Variants in CROCC observed in about 807,000 individuals in gnomAD.
CROCC encodes the protein rootletin.
A neutral mutation model predicts 245.2 loss-of-function variants in CROCC; 180 were observed. The observed-to-expected ratio is 0.73, with a 90% CI of 0.65 to 0.83. The LOEUF (loss-of-function observed/expected upper bound fraction) is 0.83. Ranked by LOEUF, CROCC falls within the 40% of genes least tolerant of loss-of-function variation. CROCC has a pLI of 0.00. For missense variants in CROCC, 2,688 were observed against 2,779.4 expected (o/e 0.97, Z 0.74); for synonymous variants, 1,205 against 1,241.6 (o/e 0.97, Z 0.62).
At chr1:16,940,209 T>TCCTG in intron 13 of CROCC, 116 bp downstream of exon 13, 1 of 1,131,158 alleles carries the variant, frequency 8.8e-7, no homozygotes, top group South Asian at 1.5e-5. Flanking sequence ...TAGCTGCATG[T>TCCTG]GCCTATTAAC....
At chr1:16,968,069 C>T in intron 30 of CROCC, 134 bp from the exon 31 acceptor site, 1 of 827,000 alleles carries the variant, frequency 1.2e-6, no homozygotes. Context: ...CCCAGAGGGT[C>T]CCAGGCCGGC....
intron 3 of CROCC, among the ~76,000 whole-genome samples, chr1:16,928,978 C>T (rs1452670733): frequency 6.6e-6 from 1 of 152,182 alleles, no homozygotes; most frequent in South Asian, 2.1e-4. Context: ...AGGTGCATGA[C>T]ACCACGCCCA....
rs1164339517 is a variant in CROCC at position 16,954,677 on chromosome 1, G to T, written c.3322-57G>T. Reference sequence around the variant, plus strand: ...GGACAGTGCACTGAGCGGGTTGGGAGCAGCCCGGGGCTGGGGGACACAGCA... The same window carrying T: ...GGACAGTGCACTGAGCGGGTTGGGATCAGCCCGGGGCTGGGGGACACAGCA... On this transcript the variant is annotated intron_variant, in intron 22 of 36. Coordinates refer to ENST00000375541, the MANE Select transcript of CROCC (RefSeq NM_014675.5). This position sits in a 1 kb window ranked among gnomAD's most constrained non-coding sequence, Gnocchi z 4.4. 2.0e-6 allele frequency: 3 copies of T among 1,493,944 alleles called. No individual in the cohort carries two copies. Among genetic ancestry groups the T allele is most frequent in the Non-Finnish European group, 2.7e-6 (3 of 1,116,012 alleles). 92.5% of individuals were successfully genotyped at this position (1,493,944 alleles called of 1,614,324 possible).
chr1:16,942,672 G>C (rs187300089), intron 13 of CROCC, among the ~76,000 whole-genome samples: 6 of 152,406 alleles, frequency 3.9e-5, no homozygotes, highest in African/African-American at 1.2e-4. Flanking sequence ...GTGTGTGGCT[G>C]GGGGTGGCAG....
chr1:16,922,085 C>T lies in CROCC; in HGVS notation c.60+7C>T. The stretch of plus-strand genomic sequence containing the variant: ...ACTAGAGACGGTTATCCAGGTGGGT[C>T]CTGGGGGCTGTGCCCACCCTGTCTG... On this transcript the variant is annotated splice_region_variant and intron_variant, in intron 1 of 36. Transcript: ENST00000375541. The T allele has an allele frequency of 2.6e-6, 4 of 1,544,006 alleles. No homozygotes were observed. Among genetic ancestry groups the T allele is most frequent in the Non-Finnish European group, 3.5e-6 (4 of 1,143,516 alleles).
At chr1:16,970,585 C>T in intron 34 of CROCC, 51 bp from the exon 35 acceptor site, 1 of 1,492,582 alleles carries the variant, frequency 6.7e-7, no homozygotes, top group Non-Finnish European at 8.9e-7. Flanking sequence ...ACCTGAGCCC[C>T]CTCAGTAAGC....
In CROCC at chr1:16,966,206, C is replaced by G; in HGVS notation, c.4696+87C>G. 1.3e-6 allele frequency: 2 copies of G among 1,527,874 alleles called. No homozygotes were observed. Among genetic ancestry groups the G allele is most frequent in the Non-Finnish European group, 1.8e-6 (2 of 1,133,528 alleles). The allele number at this position is 1,527,874 out of a possible 1,614,324, so 94.6% of individuals were successfully genotyped here. A position where few individuals can be genotyped will look rare whatever the true frequency, so the allele number is the denominator to read the frequency against. ...CCGGGGGATTGGCCTCTGACCTTGC[C>G]GTGGCCCCCATGACCTGACTCGGGG... On this transcript the variant is annotated intron_variant, in intron 29 of 36. Transcript: ENST00000375541. This position sits in a 1 kb window ranked among gnomAD's most constrained non-coding sequence, Gnocchi z 4.8.
chr1:16,971,070 G>A, intron 35 of CROCC: 2 of 445,640 alleles, frequency 4.5e-6, no homozygotes, highest in Non-Finnish European at 4.0e-6. Flanking sequence ...GGTGTGGCGT[G>A]TCTAGGTATT....
chr1:16,939,572 A>G (rs1035993857), intron 12 of CROCC, among the ~76,000 whole-genome samples: 9 of 152,176 alleles, frequency 5.9e-5, no homozygotes, highest in African/African-American at 1.7e-4. Context: ...ACCAGGATGC[A>G]AGGGGGAGGA....
intron 2 of CROCC, 47 bp downstream of exon 2, chr1:16,922,845 C>T (rs1417671846): frequency 6.3e-7 from 1 of 1,591,626 alleles, no homozygotes; most frequent in Admixed American, 1.7e-5. Flanking sequence ...CCACATTTTA[C>T]CTCTTCTCAT....
intron 2 of CROCC, among the ~76,000 whole-genome samples, chr1:16,923,012 G>A (rs1156541395): frequency 1.1e-4 from 17 of 152,286 alleles, no homozygotes; most frequent in African/African-American, 3.1e-4. Flanking sequence ...CAACTAGAAG[G>A]AAGGGCCGAG....
chr1:16,958,290 G>A (rs2076278756), intron 25 of CROCC, among the ~76,000 whole-genome samples: 1 of 152,194 alleles, frequency 6.6e-6, no homozygotes, highest in Admixed American at 6.5e-5. Context: ...GGGAGCTGTG[G>A]TTCCTGCCTG....
At position 16,948,817 on chromosome 1, in the gene CROCC, G is replaced by T. The variant is rs745936252; in HGVS notation, c.2727G>T (p.Leu909=). 1 of 1,611,668 alleles carries T rather than the reference G, an allele frequency of 6.2e-7. No individual in the cohort carries two copies. The highest frequency in any genetic ancestry group is 1.7e-5 in the Admixed American group (1 of 60,028). Residue 909 remains leucine, a synonymous_variant, in exon 19 of 37, where the codon CTG becomes CTT. Transcript: ENST00000375541. ...ATRLRLEKEA[L]EGSLFEVQRQ... ...GCTGCAGCTTGGAGAAGGAAGCCCT[G>T]GAGGGCAGCCTGTTTGAGGTGCAAC...
Position 16,960,928 on chromosome 1 carries a change from GGGC to G in CROCC, c.4204_4206del (p.Gly1402del), listed in dbSNP as rs2076321178. ...CGGCGCGGGCCGAGGCTGCAGAGCT[GGGC>G]CTGCGGCTGAGCGCAGCCGAGGGCC... On this transcript the variant is annotated inframe_deletion, in exon 27 of 37. Coordinates refer to ENST00000375541, the MANE Select transcript of CROCC (RefSeq NM_014675.5). The G allele has an allele frequency of 6.8e-7, 1 of 1,469,596 alleles. No individual in the cohort carries two copies. Among genetic ancestry groups the G allele is most frequent in the East Asian group, 2.8e-5 (1 of 35,576 alleles). The allele number at this position is 1,469,596 out of a possible 1,614,324, so 91.0% of individuals were successfully genotyped here.
chr1:16,963,588 C>T (rs1470429450), intron 27 of CROCC, among the ~76,000 whole-genome samples: 2 of 152,066 alleles, frequency 1.3e-5, no homozygotes, highest in Non-Finnish European at 2.9e-5. Flanking sequence ...TTTTGGTGTC[C>T]CTCTGCGGCC....
chr1:16,936,658 GGAGCTGGCCCGGACATCAC>G lies in CROCC; in HGVS notation c.985_1003del (p.Ala329SerfsTer8). On this transcript the variant is annotated frameshift_variant, in exon 9 of 37. Coordinates refer to ENST00000375541, the MANE Select transcript of CROCC (RefSeq NM_014675.5). LOFTEE classifies it high-confidence loss of function. ...GAAGGGACCTGCTGCAGCTGGGAGG[GGAGCTGGCCCGGACATCAC>G]GAGCTGTCCAGGAGGCGGGCCTGGG... 1 of 1,593,298 alleles carries G rather than the reference GGAGCTGGCCCGGACATCAC, an allele frequency of 6.3e-7. No individual in the cohort carries two copies. Among genetic ancestry groups the G allele is most frequent in the Non-Finnish European group, 8.6e-7 (1 of 1,169,282 alleles).
chr1:16,934,240 T>C (rs1171212469), intron 8 of CROCC, among the ~76,000 whole-genome samples: 2 of 152,244 alleles, frequency 1.3e-5, no homozygotes, highest in African/African-American at 2.4e-5. Flanking sequence ...TCCTTACTAT[T>C]AGATAACCAG....
chr1:16,965,868 GC>G lies in CROCC; in HGVS notation c.4552del (p.Leu1518CysfsTer18), dbSNP rs2076407774. 11 of 1,613,580 alleles carry G rather than the reference GC, an allele frequency of 6.8e-6. No homozygotes were observed. The highest frequency in any genetic ancestry group is 9.3e-6 in the Non-Finnish European group (11 of 1,179,980). On this transcript the variant is annotated frameshift_variant, in exon 28 of 37. Transcript: ENST00000375541. LOFTEE classifies it high-confidence loss of function. ...RGALREFLQE[L>X]RSAQRERDEL... ...GGGCCCTCCGGGAATTCCTGCAAGAGCTGCGGAGTGCCCAGAGAGAACGGGT... is the reference window on the plus strand; with the variant it reads ...GGGCCCTCCGGGAATTCCTGCAAGAGTGCGGAGTGCCCAGAGAGAACGGGT...
chr1:16,919,676 A>G (rs7530021), upstream of CROCC, among the ~76,000 whole-genome samples: 7,676 of 151,250 alleles, frequency 0.051, 56 homozygotes, highest in African/African-American at 0.078. Context: ...GCTAATGACA[A>G]TAGGAACAGT....
Sources: allele counts gnomAD v4.1 joint callset (sites outside exome capture counted in the v4.1 genomes callset), GRCh38; gene constraint gnomAD v4.1.1; non-coding constraint Gnocchi (gnomAD v3.1); transcripts MANE v1.5; gene names NCBI Gene and HGNC (gene_info 2026-07-23, HGNC 2026-07-21).